The following SFMBT1 variants were observed in gnomAD, a reference collection of about 807,000 sequenced individuals.
SFMBT1 encodes the protein Scm like with four mbt domains 1.
SFMBT1 carries 32 observed loss-of-function variants against 108.7 expected under a neutral mutation model. That is an observed-to-expected ratio of 0.29 (90% CI 0.22 to 0.40). The LOEUF (loss-of-function observed/expected upper bound fraction) is 0.40, where lower values mean the gene tolerates loss of function less well. Ranked by LOEUF, SFMBT1 falls within the 10% of genes least tolerant of loss-of-function variation. SFMBT1 has a pLI of 1.00. For missense variants in SFMBT1, 816 were observed against 1,059.6 expected (o/e 0.77, Z 3.19); for synonymous variants, 348 against 369.5 (o/e 0.94, Z 0.67).
At chr3:52,994,043 T>G (rs1698232722) in intron 1 of SFMBT1, among the ~76,000 whole-genome samples, 1 of 150,314 alleles carries the variant, frequency 6.7e-6, no homozygotes, top group South Asian at 2.1e-4. Context: ...TCATACAGTT[T>G]CCAACAGAAG....
intron 11 of SFMBT1, 77 bp from the exon 12 acceptor site, chr3:52,920,727 T>C: frequency 1.2e-6 from 1 of 833,462 alleles, no homozygotes; most frequent in Non-Finnish European, 1.9e-6. Context: ...CTTCATAAAC[T>C]ATTTTCTAGA....
At chr3:52,930,247 G>T in intron 8 of SFMBT1, 82 bp downstream of exon 8, 1 of 841,856 alleles carries the variant, frequency 1.2e-6, no homozygotes, top group Non-Finnish European at 2.0e-6. Flanking sequence ...GATCAATAGA[G>T]CTTAAAGATC....
At chr3:52,910,630 G>A (rs1035237547) in intron 17 of SFMBT1, among the ~76,000 whole-genome samples, 2 of 151,968 alleles carry the variant, frequency 1.3e-5, no homozygotes, top group East Asian at 1.9e-4. Flanking sequence ...CTGGGATTAC[G>A]GGCAGGTGCC....
At chr3:52,916,012 A>G (rs570747642) in intron 14 of SFMBT1, 138 bp downstream of exon 14, 24 of 635,918 alleles carry the variant, frequency 3.8e-5, no homozygotes, top group African/African-American at 3.1e-4. Context: ...AGACAGTTAT[A>G]ACTCTAAAGT....
intron 19 of SFMBT1, 121 bp from the exon 20 acceptor site, chr3:52,906,362 T>A (rs1029304551): frequency 6.8e-7 from 1 of 1,474,118 alleles, no homozygotes; most frequent in Non-Finnish European, 9.3e-7. Context: ...AGGACATGAT[T>A]TCTCCCAGCA....
chr3:52,930,101 C>A (rs1297284222), intron 8 of SFMBT1, among the ~76,000 whole-genome samples: 1 of 152,198 alleles, frequency 6.6e-6, no homozygotes, highest in Non-Finnish European at 1.5e-5. Flanking sequence ...CCCTACTAGT[C>A]CAGTGCCCAG....
intron 1 of SFMBT1, among the ~76,000 whole-genome samples, chr3:53,008,876 G>C (rs1698843874): frequency 6.6e-6 from 1 of 151,826 alleles, no homozygotes; most frequent in South Asian, 2.1e-4. Context: ...ACCTCATGAT[G>C]TGCCCACCTC....
intron 1 of SFMBT1, among the ~76,000 whole-genome samples, chr3:53,012,369 C>G (rs1471575632): frequency 6.6e-6 from 1 of 151,156 alleles, no homozygotes; most frequent in Non-Finnish European, 1.5e-5. Context: ...TCAATGGCTG[C>G]TAAAAAGGAC....
chr3:52,961,423 C>T (rs1703957025), intron 2 of SFMBT1, among the ~76,000 whole-genome samples: 1 of 152,014 alleles, frequency 6.6e-6, no homozygotes. Context: ...ATTGTTAAAA[C>T]GGCCTGTAAT....
chr3:53,029,031 G>C (rs1314962742), intron 1 of SFMBT1, among the ~76,000 whole-genome samples: 1 of 152,062 alleles, frequency 6.6e-6, no homozygotes, highest in Non-Finnish European at 1.5e-5. Context: ...AAATTAGCCA[G>C]GCATGGTGGC....
At chr3:52,972,996 T>A (rs1575412194) in intron 1 of SFMBT1, among the ~76,000 whole-genome samples, 1 of 152,056 alleles carries the variant, frequency 6.6e-6, no homozygotes, top group African/African-American at 2.4e-5. Flanking sequence ...CACTCCAGCA[T>A]GGGTGACAGA....
intron 4 of SFMBT1, among the ~76,000 whole-genome samples, chr3:52,942,405 A>C (rs1473898753): frequency 6.6e-6 from 1 of 152,256 alleles, no homozygotes; most frequent in Non-Finnish European, 1.5e-5. Context: ...CAACATTTGG[A>C]AACACTTGGC....
At chr3:53,033,259 C>T (rs1394029554) in intron 1 of SFMBT1, among the ~76,000 whole-genome samples, 1 of 151,772 alleles carries the variant, frequency 6.6e-6, no homozygotes, top group African/African-American at 2.4e-5. Flanking sequence ...CTCCCAGGTT[C>T]CGGCAATTCT....
rs1396653032 is a variant in SFMBT1, at chr3:52,932,182, G to A, written c.580C>T (p.Leu194=). ...GAACTTTCAAGTCCTTCATAACGTA[G>A]CTTCAGCCTTCCTCCAATGTTTTCT... ...VVENIGGRLK[L]RYEGLESSDN... The change falls in exon 6 of 21, where the codon CTA becomes TTA. Residue 194 remains leucine, a synonymous_variant. Coordinates refer to ENST00000394752, the MANE Select transcript of SFMBT1 (RefSeq NM_016329.4). The A allele has an allele frequency of 1.2e-6, 2 of 1,614,024 alleles. No individual in the cohort carries two copies. The highest frequency in any genetic ancestry group is 1.7e-5 in the Admixed American group (1 of 60,008).
intron 1 of SFMBT1, among the ~76,000 whole-genome samples, chr3:53,039,061 T>C (rs1699953054): frequency 6.6e-6 from 1 of 152,204 alleles, no homozygotes; most frequent in Non-Finnish European, 1.5e-5. Context: ...TTTGCTTTTA[T>C]GTTCTCCTTG....
rs57640588 is a variant in SFMBT1, at chr3:53,040,968, A to ATTTTTTTTTTTTTTTTTTTTTTTTTT, written c.-131+4822_-131+4847dup. Among the ~76,000 whole-genome samples, 10 of 46,384 alleles carry ATTTTTTTTTTTTTTTTTTTTTTTTTT rather than the reference A, an allele frequency of 2.2e-4. 1 individual carries two copies. The highest frequency in any genetic ancestry group is 3.1e-4 in the Admixed American group (1 of 3,276). 30.4% of individuals were successfully genotyped at this position (46,384 alleles called of 152,430 possible). On this transcript the variant is annotated intron_variant, in intron 1 of 20. Coordinates refer to ENST00000394752, the MANE Select transcript of SFMBT1 (RefSeq NM_016329.4). The stretch of plus-strand genomic sequence containing the variant: ...TACAGGCATGCACCAAGACACCTGA[A>ATTTTTTTTTTTTTTTTTTTTTTTTTT]TTTTTTTTTTTTTTTTTTTTTTTTT...
chr3:52,982,745 A>AAAAAG, intron 1 of SFMBT1, among the ~76,000 whole-genome samples: 1 of 150,902 alleles, frequency 6.6e-6, no homozygotes, highest in African/African-American at 2.4e-5. Context: ...AAAAAAAAAA[A>AAAAAG]AAAAAAAAGA....
intron 1 of SFMBT1, among the ~76,000 whole-genome samples, chr3:53,034,775 T>TA (rs1699812380): frequency 6.6e-6 from 1 of 151,392 alleles, no homozygotes; most frequent in African/African-American, 2.4e-5. Context: ...CCATCGCTAC[T>TA]AAAAATATAA....
chr3:52,930,964 G>A lies in SFMBT1; in HGVS notation c.772C>T (p.Pro258Ser), dbSNP rs1389189429. The A allele has an allele frequency of 1.2e-6, 2 of 1,613,814 alleles. No homozygotes were observed. Among genetic ancestry groups the A allele is most frequent in the African/African-American group, 2.7e-5 (2 of 74,900 alleles). The change falls in exon 7 of 21, where the codon CCA becomes TCA. Residue 258 changes from proline to serine, a missense_variant. Transcript: ENST00000394752. ...LAKVKEEEEE[P>S]LPSYLFKDKQ... ...ACCTTAAATAAGTAAGATGGTAATGGCTCTTCCTCTTCCTCTTTCACTTTG... is the reference window on the plus strand; with the variant it reads ...ACCTTAAATAAGTAAGATGGTAATGACTCTTCCTCTTCCTCTTTCACTTTG...
Sources: gnomAD v4.1 joint callset for allele counts (sites outside exome capture counted in the v4.1 genomes callset) on GRCh38, gnomAD v4.1.1 for gene constraint, MANE v1.5 for transcripts, NCBI Gene and HGNC (gene_info 2026-07-23, HGNC 2026-07-21) for gene names.